Variants in RASA3 observed in about 807,000 individuals in gnomAD.
RASA3 encodes ras GTPase-activating protein 3.
Under a neutral mutation model 110.0 loss-of-function variants are expected in RASA3, and 73 were observed. The observed-to-expected ratio is 0.66, with a 90% CI of 0.55 to 0.81. RASA3 has a LOEUF of 0.81. Among genes scored for constraint, RASA3 ranks in the 30% least tolerant of loss-of-function variants. The pLI is 0.00. For missense variants in RASA3, 976 were observed against 1,113.2 expected, an observed-to-expected ratio of 0.88 and a Z score of 1.75; for synonymous variants, 500 against 451.4, an observed-to-expected ratio of 1.11 and a Z score of -1.37.
intron 7 of RASA3, among the ~76,000 whole-genome samples, chr13:114,024,956 G>A (rs769491257): frequency 1.8e-4 from 27 of 152,220 alleles, no homozygotes; most frequent in African/African-American, 5.8e-4. Flanking sequence ...TCGAGGCTCC[G>A]GGACCGCCCC....
chr13:114,074,516 T>C (rs1450459238), intron 1 of RASA3, among the ~76,000 whole-genome samples: 1 of 152,282 alleles, frequency 6.6e-6, no homozygotes, highest in Non-Finnish European at 1.5e-5. Context: ...CTTATTCATT[T>C]ATCCACTGAG....
chr13:113,991,045 CTG>C (rs2139083727), intron 22 of RASA3, among the ~76,000 whole-genome samples: 2 of 140,116 alleles, frequency 1.4e-5, no homozygotes, highest in Admixed American at 1.4e-4. Flanking sequence ...AGATGGGCAG[CTG>C]TGCGGACACC....
At chr13:114,129,737 G>A (rs9562070) in intron 1 of RASA3, among the ~76,000 whole-genome samples, 120,816 of 152,166 alleles carry the variant, frequency 0.79, 48,304 homozygotes, top group Admixed American at 0.87. Flanking sequence ...CCCACCGGAT[G>A]TAGTAGACAA....
chr13:114,118,120 T>C (rs569547049), intron 1 of RASA3, among the ~76,000 whole-genome samples: 9 of 152,172 alleles, frequency 5.9e-5, no homozygotes, highest in African/African-American at 1.9e-4. Context: ...TCATTATGAG[T>C]CTCATAAATA....
intron 23 of RASA3, among the ~76,000 whole-genome samples, chr13:113,980,298 CATGT>C (rs2052897113): frequency 6.8e-6 from 1 of 147,226 alleles, no homozygotes; most frequent in South Asian, 2.1e-4. Context: ...CACCTTCTGC[CATGT>C]ATGTGCACCT....
intron 1 of RASA3, among the ~76,000 whole-genome samples, chr13:114,095,597 T>C (rs942943637): frequency 6.6e-6 from 1 of 152,166 alleles, no homozygotes; most frequent in African/African-American, 2.4e-5. Context: ...TAATGGAGAC[T>C]TGTTTATGTC....
chr13:113,978,127 C>T lies in RASA3; in HGVS notation c.*1220G>A, dbSNP rs2052816868. ...GGAGGACGCCCTTTGGGAAAGGCCT[C>T]CTCGGCAGTGTGAGGTCTGGAGGGG... On this transcript the variant is annotated 3_prime_UTR_variant, in exon 24 of 24. Coordinates refer to ENST00000334062, the MANE Select transcript of RASA3 (RefSeq NM_007368.4). The T allele has an allele frequency of 6.6e-6, 1 of 152,218 alleles. No homozygotes were observed. The highest frequency in any genetic ancestry group is 2.4e-5 in the African/African-American group (1 of 41,442). The allele number at this position is 152,218 out of a possible 1,614,324, so 9.4% of individuals were successfully genotyped here. A position where few individuals can be genotyped will look rare whatever the true frequency, so the allele number is the denominator to read the frequency against.
intron 7 of RASA3, 84 bp from the exon 8 acceptor site, chr13:114,024,439 A>T (rs1251137883): frequency 8.0e-7 from 1 of 1,245,900 alleles, no homozygotes; most frequent in Non-Finnish European, 1.2e-6. Context: ...GGGCTGCCCT[A>T]CCCTCTGCGC....
chr13:114,072,280 C>A (rs1186123102), intron 2 of RASA3, among the ~76,000 whole-genome samples: 1 of 152,230 alleles, frequency 6.6e-6, no homozygotes, highest in Non-Finnish European at 1.5e-5. Context: ...GGCCACTTAG[C>A]TGGAGCTTTT....
chr13:114,125,585 G>A (rs763793268), intron 1 of RASA3, among the ~76,000 whole-genome samples: 3 of 152,128 alleles, frequency 2.0e-5, no homozygotes, highest in Non-Finnish European at 4.4e-5. Context: ...TTCCAACGAC[G>A]GGGTGACAGT....
rs2080262889 is a variant in RASA3, at chr13:114,115,348, A to C, written c.55+17087T>G. 6.6e-6 allele frequency among the ~76,000 whole-genome samples: 1 copy of C among 152,238 alleles called. No individual in the cohort carries two copies. The highest frequency in any genetic ancestry group is 6.5e-5 in the Admixed American group (1 of 15,284). On this transcript the variant is annotated intron_variant, in intron 1 of 23. Transcript: ENST00000334062. This position sits in a 1 kb window ranked among gnomAD's most constrained non-coding sequence, Gnocchi z 5.0. Reference sequence around the variant, plus strand: ...CACCTTGGTGACACAGAGGCTGGACAGTCACACCGACCCTTGGCCCGGGCG... The same window carrying C: ...CACCTTGGTGACACAGAGGCTGGACCGTCACACCGACCCTTGGCCCGGGCG...
At chr13:114,029,711 T>C (rs904549754) in intron 5 of RASA3, 100 bp downstream of exon 5, 5 of 1,075,202 alleles carry the variant, frequency 4.7e-6, no homozygotes, top group African/African-American at 3.1e-5. Context: ...CCACCGGCTC[T>C]GGAAATTCTT....
intron 1 of RASA3, among the ~76,000 whole-genome samples, chr13:114,116,022 G>T (rs2080270668): frequency 6.6e-6 from 1 of 152,256 alleles, no homozygotes; most frequent in African/African-American, 2.4e-5. Flanking sequence ...CATGAGTGTG[G>T]ATGTTGAGGC....
chr13:114,052,157 T>C lies in RASA3; in HGVS notation c.174-2A>G. The C allele has an allele frequency of 1.2e-6, 2 of 1,606,984 alleles. No individual in the cohort carries two copies. Among genetic ancestry groups the C allele is most frequent in the East Asian group, 2.2e-5 (1 of 44,842 alleles). The stretch of plus-strand genomic sequence containing the variant: ...TAAAAGTCTTCTCCGTAAAACGGGC[T>C]AGTGAGACAAAGAAAAGCGCCAGTT... On this transcript the variant is annotated splice_acceptor_variant, in intron 2 of 23. Coordinates refer to ENST00000334062, the MANE Select transcript of RASA3 (RefSeq NM_007368.4). LOFTEE classifies it high-confidence loss of function.
intron 21 of RASA3, among the ~76,000 whole-genome samples, chr13:113,995,710 G>A (rs1210003650): frequency 8.6e-6 from 1 of 116,468 alleles, no homozygotes; most frequent in East Asian, 2.7e-4. Context: ...GCTGGCTGAC[G>A]GAGGACCCAG....
intron 4 of RASA3, among the ~76,000 whole-genome samples, chr13:114,031,393 G>A (rs2054165649): frequency 6.6e-6 from 1 of 151,484 alleles, no homozygotes; most frequent in Admixed American, 6.6e-5. Context: ...CTGTCTGTGT[G>A]CAAGCAGCTG....
At chr13:113,992,951 TGA>T in intron 21 of RASA3, among the ~76,000 whole-genome samples, 1 of 152,378 alleles carries the variant, frequency 6.6e-6, no homozygotes, top group East Asian at 1.9e-4. Context: ...CACGCAGTAC[TGA>T]GTTATGTCTT....
intron 2 of RASA3, among the ~76,000 whole-genome samples, chr13:114,055,021 G>A (rs1320727169): frequency 6.6e-6 from 1 of 151,906 alleles, no homozygotes; most frequent in Non-Finnish European, 1.5e-5. Flanking sequence ...TGTGCCCACA[G>A]GCATGTGTGT....
rs571839207 is a variant in RASA3 at position 114,080,612 on chromosome 13, G to A, written c.56-6775C>T. 6.3e-5 allele frequency among the ~76,000 whole-genome samples: 8 copies of A among 126,080 alleles called. No homozygotes were observed. The East Asian group carries it at 6.6e-4, about 10-fold the overall frequency. 82.7% of individuals were successfully genotyped at this position (126,080 alleles called of 152,430 possible). On this transcript the variant is annotated intron_variant, in intron 1 of 23. Coordinates refer to ENST00000334062, the MANE Select transcript of RASA3 (RefSeq NM_007368.4). ...TGAGTCTATGGTGACGGGGTGGCAGGAGGGGTCCTAGAAGGCGCCCACTGT... is the reference window on the plus strand; with the variant it reads ...TGAGTCTATGGTGACGGGGTGGCAGAAGGGGTCCTAGAAGGCGCCCACTGT...
Sources: allele counts gnomAD v4.1 joint callset (sites outside exome capture counted in the v4.1 genomes callset), GRCh38; gene constraint gnomAD v4.1.1; non-coding constraint Gnocchi (gnomAD v3.1); transcripts MANE v1.5; gene names NCBI Gene and HGNC (gene_info 2026-07-23, HGNC 2026-07-21).